Variants in ST3GAL3 observed in about 807,000 individuals in gnomAD.
ST3GAL3 encodes CMP-N-acetylneuraminate-beta-1,4-galactoside alpha-2,3-sialyltransferase.
ST3GAL3 carries 21 observed loss-of-function variants against 50.1 expected under a neutral mutation model. That is an observed-to-expected ratio of 0.42 (90% CI 0.30 to 0.60). ST3GAL3 has a LOEUF of 0.60. ST3GAL3 is among the 20% of genes least tolerant of loss of function. The probability of loss-of-function intolerance (pLI) is 0.19; values close to 1 mark genes in which losing one functional copy is unlikely to be tolerated. For missense variants in ST3GAL3, 353 were observed against 489.4 expected, an observed-to-expected ratio of 0.72 and a Z score of 2.63; for synonymous variants, 183 against 190.0, an observed-to-expected ratio of 0.96 and a Z score of 0.30.
At chr1:43,727,000 A>G (rs1458486872) in intron 1 of ST3GAL3, among the ~76,000 whole-genome samples, 3 of 152,218 alleles carry the variant, frequency 2.0e-5, no homozygotes. Flanking sequence ...TTTTCTAATT[A>G]CATTATTCCT....
chr1:43,879,243 G>GT (rs753966692), intron 5 of ST3GAL3: 1 of 455,970 alleles, frequency 2.2e-6, no homozygotes, highest in Non-Finnish European at 4.4e-6. Context: ...CCAGTATGCT[G>GT]TAACAGGGTG....
chr1:43,813,148 A>G (rs927229534), intron 3 of ST3GAL3, among the ~76,000 whole-genome samples: 2 of 152,122 alleles, frequency 1.3e-5, no homozygotes, highest in Non-Finnish European at 2.9e-5. Flanking sequence ...TGAGGGAAAC[A>G]TTCTCTGGCC....
chr1:43,816,780 T>C (rs374749407), intron 4 of ST3GAL3, among the ~76,000 whole-genome samples: 47 of 152,334 alleles, frequency 3.1e-4, no homozygotes, highest in African/African-American at 1.0e-3. Flanking sequence ...GTTAACTTGG[T>C]CTTTAGCACA....
chr1:43,824,816 G>A, intron 4 of ST3GAL3: 1 of 1,279,008 alleles, frequency 7.8e-7, no homozygotes, highest in Non-Finnish European at 1.1e-6. Flanking sequence ...ACTGATGCCT[G>A]CATCCCACCC....
At chr1:43,915,006 G>A (rs1321604437) in intron 9 of ST3GAL3, among the ~76,000 whole-genome samples, 1 of 152,236 alleles carries the variant, frequency 6.6e-6, no homozygotes, top group Admixed American at 6.5e-5. Context: ...GGAGACAGGA[G>A]CAGGAAAAAC....
chr1:43,756,064 G>A (rs1251058047), intron 2 of ST3GAL3, among the ~76,000 whole-genome samples: 1 of 115,416 alleles, frequency 8.7e-6, no homozygotes, highest in Non-Finnish European at 1.6e-5. Context: ...TTGCACTATT[G>A]TACTCTAACC....
intron 2 of ST3GAL3, among the ~76,000 whole-genome samples, chr1:43,789,198 G>A (rs2057733841): frequency 6.6e-6 from 1 of 152,182 alleles, no homozygotes; most frequent in African/African-American, 2.4e-5. Context: ...AGAAAGGATG[G>A]ATGGAAATGG....
chr1:43,797,744 A>G (rs12401813), intron 3 of ST3GAL3, among the ~76,000 whole-genome samples: 4 of 151,996 alleles, frequency 2.6e-5, no homozygotes, highest in African/African-American at 9.7e-5. Flanking sequence ...GGTCTAGTCA[A>G]TGTAATAAAG....
At chr1:43,917,508 ATAATATAATATATAT>A (rs2082097559) in intron 9 of ST3GAL3, among the ~76,000 whole-genome samples, 1 of 72,874 alleles carries the variant, frequency 1.4e-5, no homozygotes, top group Non-Finnish European at 2.6e-5. Flanking sequence ...AATATATTAT[ATAATATAATATATAT>A]TATATTATAT....
At chr1:43,810,707 G>T (rs1419551643) in intron 3 of ST3GAL3, among the ~76,000 whole-genome samples, 1 of 152,034 alleles carries the variant, frequency 6.6e-6, no homozygotes, top group African/African-American at 2.4e-5. Context: ...TACAAGCTCC[G>T]CCAGCCCTAG....
At chr1:43,750,698 T>C (rs1179716229) in intron 2 of ST3GAL3, among the ~76,000 whole-genome samples, 1 of 151,318 alleles carries the variant, frequency 6.6e-6, no homozygotes, top group African/African-American at 2.4e-5. Context: ...GAGACCAGCC[T>C]AGGCAATATT....
Position 43,806,319 on chromosome 1 carries a change from G to GCT in ST3GAL3, c.167-8568_167-8567dup, listed in dbSNP as rs201416832. 7.9e-4 allele frequency among the ~76,000 whole-genome samples: 120 copies of GCT among 152,284 alleles called. 1 individual carries two copies. In the East Asian group the frequency reaches 0.023, roughly 29 times the overall value. On this transcript the variant is annotated intron_variant, in intron 3 of 11. Coordinates refer to ENST00000347631, the MANE Select transcript of ST3GAL3 (RefSeq NM_006279.5). Reference sequence around the variant, plus strand: ...TGTAGGAGAAATGTCACCTGCAGTAGCTCTCAGGCATAAAGGCTCTCAGGC... The same window carrying GCT: ...TGTAGGAGAAATGTCACCTGCAGTAGCTCTCTCAGGCATAAAGGCTCTCAGGC...
chr1:43,825,769 G>C (rs1387683211), intron 4 of ST3GAL3, among the ~76,000 whole-genome samples: 1 of 152,194 alleles, frequency 6.6e-6, no homozygotes, highest in Non-Finnish European at 1.5e-5. Context: ...AATTTGATTA[G>C]AGAGGGACAA....
At chr1:43,898,136 T>C in intron 6 of ST3GAL3, 99 bp from the exon 7 acceptor site, 1 of 1,298,906 alleles carries the variant, frequency 7.7e-7, no homozygotes, top group South Asian at 1.2e-5. Flanking sequence ...ACTTTCACTC[T>C]AGCCCCTAGG....
At chr1:43,887,130 T>C (rs1195988353) in intron 5 of ST3GAL3, among the ~76,000 whole-genome samples, 1 of 152,158 alleles carries the variant, frequency 6.6e-6, no homozygotes, top group Non-Finnish European at 1.5e-5. Context: ...ATAGAGTTTA[T>C]GGAGAGTAGA....
At chr1:43,786,455 C>T (rs191304515) in intron 2 of ST3GAL3, among the ~76,000 whole-genome samples, 240 of 152,236 alleles carry the variant, frequency 1.6e-3, no homozygotes, top group Admixed American at 2.0e-3. Context: ...CTTTTCCTTC[C>T]GCCTGGAACT....
At chr1:43,803,942 C>G (rs554517528) in intron 3 of ST3GAL3, among the ~76,000 whole-genome samples, 6 of 152,342 alleles carry the variant, frequency 3.9e-5, no homozygotes, top group Admixed American at 3.3e-4. Flanking sequence ...CTGGCCAAAG[C>G]AGGAAGCCTA....
intron 3 of ST3GAL3, among the ~76,000 whole-genome samples, chr1:43,811,104 A>G (rs755570244): frequency 2.6e-5 from 4 of 152,200 alleles, no homozygotes; most frequent in South Asian, 2.1e-4. Flanking sequence ...CATGTCTTCA[A>G]TACATCTGAA....
chr1:43,759,065 GCACACACACACACA>G lies in ST3GAL3; in HGVS notation c.118+22714_118+22727del, dbSNP rs1553285693. Among the ~76,000 whole-genome samples, 12 of 75,452 alleles carry G rather than the reference GCACACACACACACA, an allele frequency of 1.6e-4. No homozygotes were observed. The South Asian group carries it at 2.3e-3, about 15-fold the overall frequency. 49.5% of individuals were successfully genotyped at this position (75,452 alleles called of 152,430 possible). On this transcript the variant is annotated intron_variant, in intron 2 of 11. Coordinates refer to ENST00000347631, the MANE Select transcript of ST3GAL3 (RefSeq NM_006279.5). ...TCCTAAAAAACAAACAAAAGCGCGC[GCACACACACACACA>G]CACACACACACACACACACACACAC...
Sources: allele counts gnomAD v4.1 joint callset (sites outside exome capture counted in the v4.1 genomes callset), GRCh38; gene constraint gnomAD v4.1.1; transcripts MANE v1.5; gene names NCBI Gene and HGNC (gene_info 2026-07-23, HGNC 2026-07-21).